Variants in RAB3GAP1 observed in about 807,000 individuals in gnomAD.
RAB3GAP1 encodes rab3 GTPase-activating protein catalytic subunit.
In RAB3GAP1, 86 loss-of-function variants were observed where a neutral mutation model predicts 130.7. That is an observed-to-expected ratio of 0.66 (90% CI 0.55 to 0.79). RAB3GAP1 has a LOEUF of 0.79. Among genes scored for constraint, RAB3GAP1 ranks in the 30% least tolerant of loss-of-function variants. RAB3GAP1 has a pLI of 0.00. For missense variants in RAB3GAP1, 1,029 were observed against 1,169.4 expected (o/e 0.88, Z 1.75); for synonymous variants, 367 against 401.7 (o/e 0.91, Z 1.03).
intron 3 of RAB3GAP1, among the ~76,000 whole-genome samples, chr2:135,085,049 A>G (rs1574095099): frequency 6.6e-6 from 1 of 152,190 alleles, no homozygotes; most frequent in Non-Finnish European, 1.5e-5. Flanking sequence ...ACCTCTGGGG[A>G]AAAACAAGTT....
At chr2:135,081,361 T>TACAC (rs1553440427) in intron 3 of RAB3GAP1, among the ~76,000 whole-genome samples, 60 of 71,216 alleles carry the variant, frequency 8.4e-4, no homozygotes, top group Middle Eastern at 0.026. Context: ...TATATATATA[T>TACAC]ACACACACGT....
chr2:135,160,917 A>T (rs1692449921), intron 19 of RAB3GAP1, among the ~76,000 whole-genome samples: 1 of 152,186 alleles, frequency 6.6e-6, no homozygotes, highest in African/African-American at 2.4e-5. Context: ...TTATGTCTAT[A>T]GTATGTACAC....
At chr2:135,118,728 G>T (rs1405095785) in intron 7 of RAB3GAP1, among the ~76,000 whole-genome samples, 2 of 152,090 alleles carry the variant, frequency 1.3e-5, no homozygotes, top group African/African-American at 4.8e-5. Flanking sequence ...ATAGTGTTTG[G>T]AGTCTCTTGC....
chr2:135,104,917 T>C (rs1218390387), intron 5 of RAB3GAP1, among the ~76,000 whole-genome samples: 1 of 151,698 alleles, frequency 6.6e-6, no homozygotes, highest in Non-Finnish European at 1.5e-5. Context: ...AAAAAACAAA[T>C]GGAAACTCCA....
intron 23 of RAB3GAP1, chr2:135,167,651 G>A: frequency 2.7e-6 from 4 of 1,458,146 alleles, no homozygotes; most frequent in Non-Finnish European, 3.7e-6. Flanking sequence ...CATCTTGCTT[G>A]TTTCCCTTTC....
chr2:135,174,021 T>C (rs1692937014), downstream of RAB3GAP1, among the ~76,000 whole-genome samples: 1 of 152,250 alleles, frequency 6.6e-6, no homozygotes, highest in Non-Finnish European at 1.5e-5. Flanking sequence ...GGCATTTCTT[T>C]GGCTCTCAAA....
At chr2:135,052,398 A>G (rs1174600119) in intron 1 of RAB3GAP1, 32 bp from the exon 2 acceptor site, 2 of 1,613,886 alleles carry the variant, frequency 1.2e-6, no homozygotes, top group East Asian at 4.5e-5. Context: ...CTTGGGGCTT[A>G]ATTTCTTTTT....
rs1052962048 is a variant in RAB3GAP1 at position 135,160,150 on chromosome 2, T to A, written c.2290-2405T>A. 5.9e-5 allele frequency among the ~76,000 whole-genome samples: 9 copies of A among 152,344 alleles called. No individual in the cohort carries two copies. The South Asian group carries it at 1.9e-3, about 32-fold the overall frequency. On this transcript the variant is annotated intron_variant, in intron 19 of 23. Coordinates refer to ENST00000264158, the MANE Select transcript of RAB3GAP1 (RefSeq NM_012233.3). ...TTTTAAAGTGGTGAATTTTATGGTA[T>A]GTGAGTTATAACTCAATTTTTAGAA...
At chr2:135,081,915 T>C (rs1689832650) in intron 3 of RAB3GAP1, among the ~76,000 whole-genome samples, 1 of 151,920 alleles carries the variant, frequency 6.6e-6, no homozygotes, top group Non-Finnish European at 1.5e-5. Flanking sequence ...CCGAGACGGG[T>C]GGATCACTTG....
intron 5 of RAB3GAP1, among the ~76,000 whole-genome samples, chr2:135,107,113 A>G (rs75549964): frequency 6.6e-6 from 1 of 151,026 alleles, no homozygotes; most frequent in Non-Finnish European, 1.5e-5. Flanking sequence ...AAAAAAAAAA[A>G]CCACTGTTGA....
chr2:135,135,208 T>C, intron 15 of RAB3GAP1, 57 bp from the exon 16 acceptor site: 1 of 1,357,854 alleles, frequency 7.4e-7, no homozygotes, highest in Non-Finnish European at 1.1e-6. Context: ...AAAATAATCA[T>C]ATCTGAAGCA....
At chr2:135,098,629 A>G (rs1358606026) in intron 5 of RAB3GAP1, among the ~76,000 whole-genome samples, 1 of 152,192 alleles carries the variant, frequency 6.6e-6, no homozygotes, top group Non-Finnish European at 1.5e-5. Flanking sequence ...AAGGGGTGGC[A>G]GTGGCCTGTA....
intron 3 of RAB3GAP1, among the ~76,000 whole-genome samples, chr2:135,087,231 C>T (rs545111561): frequency 1.3e-5 from 2 of 152,240 alleles, no homozygotes; most frequent in East Asian, 1.9e-4. Flanking sequence ...AATGTAAGTG[C>T]GAATGTTATT....
chr2:135,057,791 G>A (rs1406777354), intron 2 of RAB3GAP1, among the ~76,000 whole-genome samples: 1 of 152,086 alleles, frequency 6.6e-6, no homozygotes, highest in Non-Finnish European at 1.5e-5. Context: ...CTTTTGTTGG[G>A]TAAGCAATAG....
chr2:135,122,554 C>T (rs1445046484), intron 8 of RAB3GAP1, among the ~76,000 whole-genome samples: 1 of 152,134 alleles, frequency 6.6e-6, no homozygotes, highest in Non-Finnish European at 1.5e-5. Context: ...AAAATATTAA[C>T]CTTCTCCCTC....
rs371693164 is a variant in RAB3GAP1 at position 135,072,047 on chromosome 2, C to T, written c.150+13961C>T. Among the ~76,000 whole-genome samples, 17 of 152,236 alleles carry T rather than the reference C, an allele frequency of 1.1e-4. No individual in the cohort carries two copies. The East Asian group carries it at 2.5e-3, about 23-fold the overall frequency. On this transcript the variant is annotated intron_variant, in intron 3 of 23. Transcript: ENST00000264158. The stretch of plus-strand genomic sequence containing the variant: ...CGTGCCTCAGCTTCCCAAGTAGCTG[C>T]GACCACAGGTGTGCACCACCATGCC...
intron 3 of RAB3GAP1, among the ~76,000 whole-genome samples, chr2:135,075,790 AC>A (rs1689615855): frequency 6.6e-6 from 1 of 151,230 alleles, no homozygotes; most frequent in African/African-American, 2.4e-5. Context: ...AGGATCAAAA[AC>A]TTTTTTATTT....
chr2:135,133,825 A>G (rs536665150), intron 14 of RAB3GAP1, 36 bp from the exon 15 acceptor site: 1 of 1,589,550 alleles, frequency 6.3e-7, no homozygotes, highest in Admixed American at 1.7e-5. Context: ...ATATTTTGGT[A>G]ACAAGTTTGC....
intron 9 of RAB3GAP1, among the ~76,000 whole-genome samples, chr2:135,124,847 GA>G (rs1228262677): frequency 2.6e-5 from 4 of 151,436 alleles, no homozygotes; most frequent in African/African-American, 4.9e-5. Flanking sequence ...GGTTATGAAA[GA>G]AAAAAAATAA....
Sources: gnomAD v4.1 joint callset for allele counts (sites outside exome capture counted in the v4.1 genomes callset) on GRCh38, gnomAD v4.1.1 for gene constraint, MANE v1.5 for transcripts, NCBI Gene and HGNC (gene_info 2026-07-23, HGNC 2026-07-21) for gene names.